BMP5: variants seen among roughly 807,000 people sequenced by gnomAD.
The protein encoded by BMP5 is bone morphogenetic protein 5.
Under a neutral mutation model 46.6 loss-of-function variants are expected in BMP5, and 23 were observed. The observed-to-expected ratio is 0.49, with a 90% confidence interval of 0.35 to 0.70. The LOEUF (loss-of-function observed/expected upper bound fraction) is 0.70, where lower values mean the gene tolerates loss of function less well. BMP5 is among the 30% of genes least tolerant of loss of function. BMP5 has a pLI of 0.00. For synonymous variants in BMP5, 204 were observed against 191.9 expected (o/e 1.06, Z -0.52); for missense variants, 545 against 565.6 (o/e 0.96, Z 0.37).
Position 55,820,160 on chromosome 6 carries a change from C to T in BMP5, c.491-313G>A, listed in dbSNP as rs568188889. Among the ~76,000 whole-genome samples, 18 of 152,102 alleles carry T rather than the reference C, an allele frequency of 1.2e-4. No homozygotes were observed. In the East Asian group the frequency reaches 2.7e-3, roughly 23 times the overall value. On this transcript the variant is annotated intron_variant, in intron 1 of 6. Transcript: ENST00000370830. ...TACTACTATGTATCAAGTATCAGAC[C>T]ATAGAAAATTTTATACAGAAATTCT...
At chr6:55,867,640 A>C (rs1228230824) in intron 1 of BMP5, among the ~76,000 whole-genome samples, 1 of 152,126 alleles carries the variant, frequency 6.6e-6, no homozygotes, top group African/African-American at 2.4e-5. Context: ...CGGGCTTAGA[A>C]GGGCCCTGCT....
chr6:55,868,311 T>G (rs1222846280), intron 1 of BMP5, among the ~76,000 whole-genome samples: 1 of 152,164 alleles, frequency 6.6e-6, no homozygotes, highest in Non-Finnish European at 1.5e-5. Context: ...AGAAAGAAAT[T>G]GAACAAACAC....
chr6:55,755,810 T>C, intron 6 of BMP5, 128 bp from the exon 7 acceptor site: 1 of 913,654 alleles, frequency 1.1e-6, no homozygotes, highest in Non-Finnish European at 1.7e-6. Flanking sequence ...CTTCTCCCAT[T>C]TATTCCATGA....
At chr6:55,759,309 C>T (rs2127515276) in intron 5 of BMP5, among the ~76,000 whole-genome samples, 194 bp from the exon 6 acceptor site, 1 of 151,540 alleles carries the variant, frequency 6.6e-6, no homozygotes, top group Admixed American at 6.6e-5. Context: ...ATCTTCCCCA[C>T]ACCCTTTAAT....
intron 6 of BMP5, 98 bp downstream of exon 6, chr6:55,758,907 T>C (rs1774681884): frequency 2.3e-6 from 2 of 853,164 alleles, no homozygotes; most frequent in African/African-American, 1.7e-5. Flanking sequence ...GAAGATAAAA[T>C]AATGCATTAA....
intron 6 of BMP5, 76 bp from the exon 7 acceptor site, chr6:55,755,758 A>G: frequency 7.2e-7 from 1 of 1,385,332 alleles, no homozygotes; most frequent in East Asian, 2.4e-5. Context: ...TGGTATGATT[A>G]TTTTATCACT....
At chr6:55,862,749 C>T (rs1374343273) in intron 1 of BMP5, among the ~76,000 whole-genome samples, 1 of 152,132 alleles carries the variant, frequency 6.6e-6, no homozygotes, top group East Asian at 1.9e-4. Flanking sequence ...ACTGGAGCCT[C>T]CATACTAATA....
intron 1 of BMP5, among the ~76,000 whole-genome samples, chr6:55,846,741 A>C (rs984151720): frequency 3.3e-5 from 5 of 151,976 alleles, no homozygotes; most frequent in African/African-American, 1.2e-4. Context: ...AAATTTGAAT[A>C]TCTTCATTAC....
chr6:55,855,264 T>G (rs541218333), intron 1 of BMP5, among the ~76,000 whole-genome samples: 1 of 152,070 alleles, frequency 6.6e-6, no homozygotes, highest in South Asian at 2.1e-4. Context: ...TTTATTTATT[T>G]TGGGGGAGAG....
chr6:55,762,231 AATATT>A (rs1774803230), intron 4 of BMP5, among the ~76,000 whole-genome samples: 1 of 152,088 alleles, frequency 6.6e-6, no homozygotes, highest in African/African-American at 2.4e-5. Flanking sequence ...TCTAAAATAA[AATATT>A]AAAGAAATAA....
chr6:55,804,702 T>C (rs1181759778), intron 2 of BMP5, among the ~76,000 whole-genome samples: 1 of 152,078 alleles, frequency 6.6e-6, no homozygotes, highest in Non-Finnish European at 1.5e-5. Context: ...TTACAGTGCA[T>C]TGAGGGGTGA....
intron 5 of BMP5, among the ~76,000 whole-genome samples, chr6:55,759,773 C>A (rs1774720127): frequency 6.6e-6 from 1 of 151,734 alleles, no homozygotes; most frequent in South Asian, 2.1e-4. Context: ...ATTTTTCCCA[C>A]AGAGAAATAA....
At chr6:55,829,018 A>G (rs1405247150) in intron 1 of BMP5, among the ~76,000 whole-genome samples, 1 of 151,866 alleles carries the variant, frequency 6.6e-6, no homozygotes, top group East Asian at 1.9e-4. Flanking sequence ...CATATGGAAT[A>G]ATATATAATT....
intron 2 of BMP5, among the ~76,000 whole-genome samples, chr6:55,801,950 T>C (rs1238045896): frequency 6.6e-6 from 1 of 152,212 alleles, no homozygotes; most frequent in African/African-American, 2.4e-5. Flanking sequence ...GACTCAGTTA[T>C]GCCACAAGTT....
At chr6:55,772,312 C>T (rs1775065693) in intron 4 of BMP5, among the ~76,000 whole-genome samples, 1 of 151,732 alleles carries the variant, frequency 6.6e-6, no homozygotes, top group African/African-American at 2.4e-5. Flanking sequence ...TAGAGTTAAC[C>T]AATAGGGAAA....
chr6:55,809,001 TG>T (rs1776059425), intron 2 of BMP5, among the ~76,000 whole-genome samples: 1 of 152,206 alleles, frequency 6.6e-6, no homozygotes, highest in Non-Finnish European at 1.5e-5. Context: ...AGTTGGTGCC[TG>T]CTTAATTTCA....
intron 2 of BMP5, among the ~76,000 whole-genome samples, chr6:55,804,908 C>T (rs2127532901): frequency 6.6e-6 from 1 of 152,194 alleles, no homozygotes; most frequent in East Asian, 1.9e-4. Flanking sequence ...GAACTTCTTG[C>T]ACTATTTCAA....
chr6:55,792,046 A>T (rs1775583041), intron 3 of BMP5, among the ~76,000 whole-genome samples: 1 of 152,152 alleles, frequency 6.6e-6, no homozygotes, highest in African/African-American at 2.4e-5. Flanking sequence ...ATAATGCTTG[A>T]ACTCTGAGGA....
At chr6:55,828,108 G>A (rs1241908856) in intron 1 of BMP5, among the ~76,000 whole-genome samples, 2 of 151,764 alleles carry the variant, frequency 1.3e-5, no homozygotes, top group Non-Finnish European at 3.0e-5. Flanking sequence ...GGTGATAGAG[G>A]TTACAGTAAG....
Sources: allele counts gnomAD v4.1 joint callset (sites outside exome capture counted in the v4.1 genomes callset), GRCh38; gene constraint gnomAD v4.1.1; transcripts MANE v1.5; gene names NCBI Gene and HGNC (gene_info 2026-07-23, HGNC 2026-07-21).